The following GLI3 variants were observed in gnomAD, a reference collection of about 807,000 sequenced individuals.
GLI3 encodes the protein transcription activator GLI3.
In GLI3, 20 loss-of-function variants were observed where a neutral mutation model predicts 100.8. The ratio of observed to expected loss-of-function variants is 0.20; its 90% CI spans 0.14 to 0.29. GLI3 has a LOEUF of 0.29. GLI3 is among the 10% of genes least tolerant of loss of function. GLI3 has a pLI of 1.00. For missense variants in GLI3, 2,040 were observed against 2,128.5 expected (o/e 0.96, Z 0.82); for synonymous variants, 938 against 860.5 (o/e 1.09, Z -1.58).
chr7:42,117,521 T>C (rs1413606383), intron 3 of GLI3, among the ~76,000 whole-genome samples: 1 of 152,204 alleles, frequency 6.6e-6, no homozygotes, highest in Non-Finnish European at 1.5e-5. Flanking sequence ...GCATTCCTAA[T>C]GGGGAAGCTT....
intron 2 of GLI3, among the ~76,000 whole-genome samples, chr7:42,211,199 T>C (rs1278245689): frequency 2.0e-5 from 3 of 151,984 alleles, no homozygotes; most frequent in Admixed American, 6.6e-5. Flanking sequence ...ATGATTCTTT[T>C]TAATTGCGGA....
chr7:42,068,222 T>G (rs1784714146), intron 4 of GLI3, among the ~76,000 whole-genome samples: 1 of 152,222 alleles, frequency 6.6e-6, no homozygotes, highest in Non-Finnish European at 1.5e-5. Flanking sequence ...ATTGAGGCAA[T>G]GTCACCAAAT....
At chr7:42,132,857 A>G (rs988705477) in intron 3 of GLI3, among the ~76,000 whole-genome samples, 1 of 152,196 alleles carries the variant, frequency 6.6e-6, no homozygotes, top group Non-Finnish European at 1.5e-5. Flanking sequence ...CATCTTAGGA[A>G]ACATTAAACT....
chr7:42,008,467 G>T (rs1376180482), intron 10 of GLI3, among the ~76,000 whole-genome samples: 1 of 152,080 alleles, frequency 6.6e-6, no homozygotes, highest in Non-Finnish European at 1.5e-5. Flanking sequence ...TCAGAGATGG[G>T]GTCTCCCTAT....
chr7:42,242,978 C>T (rs555677381), intron 1 of GLI3, among the ~76,000 whole-genome samples: 1 of 152,182 alleles, frequency 6.6e-6, no homozygotes, highest in African/African-American at 2.4e-5. Context: ...ACCACAGTAC[C>T]CCTGGGAAAA....
At chr7:42,028,223 TG>T (rs1789178054) in intron 7 of GLI3, among the ~76,000 whole-genome samples, 1 of 152,214 alleles carries the variant, frequency 6.6e-6, no homozygotes, top group African/African-American at 2.4e-5. Context: ...ATAATTACCA[TG>T]GCACACCGAC....
intron 10 of GLI3, among the ~76,000 whole-genome samples, chr7:41,999,213 T>A (rs1221740261): frequency 6.6e-6 from 1 of 152,028 alleles, no homozygotes; most frequent in East Asian, 1.9e-4. Context: ...TGGATTAACA[T>A]GGGGGAAAAA....
chr7:41,996,358 G>A (rs1014600664), intron 10 of GLI3, among the ~76,000 whole-genome samples: 13 of 152,060 alleles, frequency 8.5e-5, no homozygotes, highest in African/African-American at 1.9e-4. Context: ...CACTTTCCCA[G>A]TGGTCTTCAC....
chr7:42,048,268 C>A (rs1583508533), intron 5 of GLI3, among the ~76,000 whole-genome samples: 1 of 152,142 alleles, frequency 6.6e-6, no homozygotes, highest in Non-Finnish European at 1.5e-5. Context: ...TGCAAGTAAA[C>A]CCCACTGCAC....
intron 2 of GLI3, among the ~76,000 whole-genome samples, chr7:42,207,473 T>C (rs951245445): frequency 6.6e-6 from 1 of 152,222 alleles, no homozygotes; most frequent in African/African-American, 2.4e-5. Context: ...CTAATGTTGA[T>C]ACGTGTTTCT....
At chr7:42,256,474 G>A (rs1483044256) in intron 1 of GLI3, among the ~76,000 whole-genome samples, 1 of 152,104 alleles carries the variant, frequency 6.6e-6, no homozygotes, top group Admixed American at 6.6e-5. Flanking sequence ...TGTGAGATGA[G>A]GGTCTGAGTT....
intron 3 of GLI3, among the ~76,000 whole-genome samples, chr7:42,117,162 C>T (rs143028281): frequency 4.8e-4 from 73 of 152,058 alleles, no homozygotes; most frequent in African/African-American, 1.7e-3. Flanking sequence ...AAGGAATATG[C>T]GATGTTGAGA....
chr7:42,144,067 G>C (rs947512099), intron 3 of GLI3, among the ~76,000 whole-genome samples: 2 of 152,138 alleles, frequency 1.3e-5, no homozygotes, highest in African/African-American at 4.8e-5. Context: ...CTGTAAAAGG[G>C]AAGCGAATAA....
intron 7 of GLI3, among the ~76,000 whole-genome samples, chr7:42,030,320 A>G (rs1789250281): frequency 6.6e-6 from 1 of 152,168 alleles, no homozygotes; most frequent in African/African-American, 2.4e-5. Context: ...GCTTAATCAC[A>G]CCTGCAAAAG....
At chr7:42,166,991 A>T (rs949518708) in intron 2 of GLI3, among the ~76,000 whole-genome samples, 13 of 151,894 alleles carry the variant, frequency 8.6e-5, no homozygotes, top group Non-Finnish European at 1.8e-4. Flanking sequence ...ACGCCTGACT[A>T]ATTTTTGTAA....
At chr7:42,237,515 C>T (rs899049636), upstream of GLI3, among the ~76,000 whole-genome samples, 49 of 151,790 alleles carry the variant, frequency 3.2e-4, no homozygotes, top group Admixed American at 5.9e-4. Flanking sequence ...GAAAAGTTGT[C>T]CCTCGGCTCC....
intron 4 of GLI3, among the ~76,000 whole-genome samples, chr7:42,066,549 C>G (rs889428203): frequency 1.2e-4 from 18 of 152,116 alleles, no homozygotes; most frequent in Non-Finnish European, 2.5e-4. Flanking sequence ...GGAAGTGTAC[C>G]CACCTCCTGG....
rs182575361 is a variant in GLI3 at position 42,130,835 on chromosome 7, C to T, written c.367+17391G>A. ...AAATTAAAACACATCTAGGTACATA[C>T]TTTCAAACCACTAAGGATAAAAAGA... On this transcript the variant is annotated intron_variant, in intron 3 of 14. Coordinates refer to ENST00000395925, the MANE Select transcript of GLI3 (RefSeq NM_000168.6). Among the ~76,000 whole-genome samples, 12 of 152,204 alleles carry T rather than the reference C, an allele frequency of 7.9e-5. No homozygotes were observed. The South Asian group carries it at 1.0e-3, about 13-fold the overall frequency.
intron 10 of GLI3, among the ~76,000 whole-genome samples, chr7:42,022,668 G>C (rs73100840): frequency 0.014 from 2,118 of 152,256 alleles, 26 homozygotes; most frequent in Non-Finnish European, 0.024. Flanking sequence ...TGCCCTCCAC[G>C]TCAGCCAATC....
Sources: allele counts gnomAD v4.1 joint callset (sites outside exome capture counted in the v4.1 genomes callset), GRCh38; gene constraint gnomAD v4.1.1; transcripts MANE v1.5; gene names NCBI Gene and HGNC (gene_info 2026-07-23, HGNC 2026-07-21).